Variants in EFCAB11 observed in about 807,000 individuals in gnomAD.
EFCAB11 encodes the protein EF-hand calcium binding domain 11.
EFCAB11 carries 14 observed loss-of-function variants against 23.0 expected under a neutral mutation model. The ratio of observed to expected loss-of-function variants is 0.61; its 90% CI spans 0.40 to 0.95. The LOEUF is 0.95. EFCAB11 is among the 40% of genes least tolerant of loss of function. The probability of loss-of-function intolerance (pLI) is 0.00; values close to 1 mark genes in which losing one functional copy is unlikely to be tolerated. For missense variants in EFCAB11, 198 were observed against 195.8 expected, an observed-to-expected ratio of 1.01 and a Z score of -0.07; for synonymous variants, 65 against 66.6, an observed-to-expected ratio of 0.98 and a Z score of 0.11.
chr14:89,897,055 T>C (rs982556101), intron 5 of EFCAB11, among the ~76,000 whole-genome samples: 2 of 151,872 alleles, frequency 1.3e-5, no homozygotes, highest in African/African-American at 2.4e-5. Context: ...GAGTGAATTA[T>C]AGATAAAACA....
intron 5 of EFCAB11, among the ~76,000 whole-genome samples, chr14:89,876,137 G>A (rs1366064684): frequency 6.6e-6 from 1 of 152,154 alleles, no homozygotes; most frequent in African/African-American, 2.4e-5. Context: ...TAGAGACTGT[G>A]GGGAAATGAA....
At chr14:89,947,997 ACCCCACCG>A (rs1292936653) in intron 3 of EFCAB11, among the ~76,000 whole-genome samples, 1 of 134,362 alleles carries the variant, frequency 7.4e-6, no homozygotes, top group Non-Finnish European at 1.6e-5. Flanking sequence ...CCCTGCTCCC[ACCCCACCG>A]CCCCACCCGT....
chr14:89,918,809 A>T (rs1226030633), intron 5 of EFCAB11, among the ~76,000 whole-genome samples: 2 of 151,878 alleles, frequency 1.3e-5, no homozygotes, highest in African/African-American at 4.8e-5. Context: ...TCTGCAGAAG[A>T]GGGCAGCCAC....
intron 5 of EFCAB11, among the ~76,000 whole-genome samples, chr14:89,897,433 C>T (rs549514440): frequency 1.3e-5 from 2 of 152,090 alleles, no homozygotes; most frequent in East Asian, 1.9e-4. Context: ...GTCTTGATCT[C>T]CTGACCTCGT....
At chr14:89,868,708 A>G (rs4904626) in intron 5 of EFCAB11, among the ~76,000 whole-genome samples, 145,563 of 152,250 alleles carry the variant, frequency 0.96, 69,762 homozygotes, top group Non-Finnish European at 0.99. Flanking sequence ...TTCTGTAGCC[A>G]AATAAAGACA....
At chr14:89,951,473 TTC>T (rs763932521) in intron 2 of EFCAB11, among the ~76,000 whole-genome samples, 9 of 152,348 alleles carry the variant, frequency 5.9e-5, no homozygotes, top group Non-Finnish European at 1.0e-4. Context: ...TTTCAATCTC[TTC>T]TCTTTCTTGG....
intron 5 of EFCAB11, among the ~76,000 whole-genome samples, chr14:89,887,083 C>T (rs1888812761): frequency 6.6e-6 from 1 of 152,154 alleles, no homozygotes; most frequent in Non-Finnish European, 1.5e-5. Context: ...TCTGAACTAA[C>T]CTGAACATCC....
chr14:89,803,225 T>C (rs1885845243), intron 5 of EFCAB11, among the ~76,000 whole-genome samples: 1 of 152,196 alleles, frequency 6.6e-6, no homozygotes, highest in Non-Finnish European at 1.5e-5. Context: ...CACTTACTAA[T>C]ATAATTGCTT....
intron 5 of EFCAB11, among the ~76,000 whole-genome samples, chr14:89,837,552 T>C (rs1322134708): frequency 2.6e-5 from 4 of 152,224 alleles, no homozygotes; most frequent in Non-Finnish European, 4.4e-5. Context: ...ATTCCTGGCC[T>C]TATATCTGTA....
intron 5 of EFCAB11, among the ~76,000 whole-genome samples, chr14:89,856,205 T>C (rs982076607): frequency 6.6e-6 from 1 of 151,842 alleles, no homozygotes; most frequent in African/African-American, 2.4e-5. Flanking sequence ...TTTTTTTTTT[T>C]TGAGACAAGA....
At chr14:89,852,412 C>T (rs184735909) in intron 5 of EFCAB11, among the ~76,000 whole-genome samples, 1 of 152,262 alleles carries the variant, frequency 6.6e-6, no homozygotes, top group East Asian at 1.9e-4. Flanking sequence ...CTGAGACTCA[C>T]GCTCAGCCAA....
chr14:89,911,423 C>T (rs6575095), intron 5 of EFCAB11, among the ~76,000 whole-genome samples: 148,494 of 152,312 alleles, frequency 0.97, 72,418 homozygotes, highest in East Asian at 1. Context: ...TTTCAGACTA[C>T]GCAGACAAAC....
At chr14:89,817,630 T>C (rs528131553) in intron 5 of EFCAB11, among the ~76,000 whole-genome samples, 1 of 151,926 alleles carries the variant, frequency 6.6e-6, no homozygotes, top group South Asian at 2.1e-4. Context: ...TAGACGAAAA[T>C]AATAATATAT....
intron 5 of EFCAB11, among the ~76,000 whole-genome samples, chr14:89,909,935 G>A (rs1160813711): frequency 6.6e-6 from 1 of 152,154 alleles, no homozygotes. Flanking sequence ...CTTCTCTGAT[G>A]TCAGCCTTGG....
At chr14:89,932,289 A>C (rs1566816946) in intron 4 of EFCAB11, among the ~76,000 whole-genome samples, 1 of 152,218 alleles carries the variant, frequency 6.6e-6, no homozygotes, top group Non-Finnish European at 1.5e-5. Context: ...CCCCATGACA[A>C]TCAAGGTACA....
intron 5 of EFCAB11, among the ~76,000 whole-genome samples, chr14:89,847,756 A>AAAG (rs1555372398): frequency 1.1e-4 from 16 of 139,420 alleles, no homozygotes; most frequent in African/African-American, 2.9e-4. Context: ...AAAAAAAAAA[A>AAAG]AAAGAAAGAA....
chr14:89,879,092 T>G (rs1288961688), intron 5 of EFCAB11, among the ~76,000 whole-genome samples: 1 of 152,142 alleles, frequency 6.6e-6, no homozygotes, highest in Non-Finnish European at 1.5e-5. Context: ...TGATCATTAC[T>G]AAACTGCTAT....
rs1328037013 is a variant in EFCAB11 at position 89,954,651 on chromosome 14, A to G, written c.10T>C (p.Ser4Pro). The G allele has an allele frequency of 2.5e-6, 4 of 1,612,296 alleles. No individual in the cohort carries two copies. The South Asian group carries it at 3.3e-5, about 13-fold the overall frequency. Residue 4 changes from serine to proline, a missense_variant, in exon 1 of 6, where the codon TCC becomes CCC. By Grantham distance (74) the Ser-to-Pro change is moderately conservative. Transcript: ENST00000316738. ...GTCCGCGACCTGGCTCTGGCCTCGG[A>G]GAAGAACATCGCGACTACAACAACC... MFF[S>P]EARARSRTWE... is the part of the protein sequence containing the mutation.
chr14:89,874,848 C>T (rs1293373094), intron 5 of EFCAB11, among the ~76,000 whole-genome samples: 9 of 151,590 alleles, frequency 5.9e-5, no homozygotes, highest in Non-Finnish European at 1.2e-4. Context: ...GCCAAGATTG[C>T]GCCACTGCAC....
Sources: allele counts gnomAD v4.1 joint callset (sites outside exome capture counted in the v4.1 genomes callset), GRCh38; gene constraint gnomAD v4.1.1; transcripts MANE v1.5; gene names NCBI Gene and HGNC (gene_info 2026-07-23, HGNC 2026-07-21).